DGKG: variants seen among roughly 807,000 people sequenced by gnomAD.
DGKG encodes the protein DAG kinase gamma.
DGKG carries 78 observed loss-of-function variants against 105.3 expected under a neutral mutation model. The observed-to-expected ratio is 0.74, with a 90% CI of 0.62 to 0.89. The LOEUF is 0.89. Among genes scored for constraint, DGKG ranks in the 40% least tolerant of loss-of-function variants. DGKG has a pLI of 0.00. For synonymous variants in DGKG, 346 were observed against 367.1 expected (o/e 0.94, Z 0.66); for missense variants, 958 against 1,020.1 (o/e 0.94, Z 0.83).
chr3:186,267,491 C>T (rs1257650024), intron 13 of DGKG, 194 bp downstream of exon 13: 6 of 550,648 alleles, frequency 1.1e-5, no homozygotes, highest in East Asian at 3.1e-5. Context: ...TCCCGCAAGA[C>T]GTGTCTGCCT....
intron 1 of DGKG, among the ~76,000 whole-genome samples, chr3:186,347,583 T>TTTTTC (rs1339582196): frequency 2.0e-5 from 3 of 152,124 alleles, no homozygotes; most frequent in Non-Finnish European, 2.9e-5. Flanking sequence ...TTACGTATTT[T>TTTTTC]TTTTCTTTTC....
intron 22 of DGKG, among the ~76,000 whole-genome samples, chr3:186,179,725 G>A (rs80058383): frequency 0.049 from 7,499 of 152,260 alleles, 491 homozygotes; most frequent in African/African-American, 0.15. Flanking sequence ...GATGCCATGA[G>A]AGGTCTGCGG....
At chr3:186,242,474 G>T in intron 20 of DGKG, 30 bp downstream of exon 20, 2 of 1,590,950 alleles carry the variant, frequency 1.3e-6, no homozygotes, top group Non-Finnish European at 1.7e-6. Context: ...ACACTGGGTG[G>T]GTGGCAGCGC....
intron 22 of DGKG, among the ~76,000 whole-genome samples, chr3:186,168,570 G>GGCATAATACCAAGT (rs1716666247): frequency 1.3e-5 from 2 of 152,056 alleles, no homozygotes; most frequent in African/African-American, 4.8e-5. Context: ...GTGCTGGCCA[G>GGCATAATACCAAGT]GCATGGTGGC....
intron 19 of DGKG, among the ~76,000 whole-genome samples, chr3:186,246,574 T>G (rs921769906): frequency 6.6e-6 from 1 of 152,166 alleles, no homozygotes; most frequent in Non-Finnish European, 1.5e-5. Context: ...ATTGGGGTTG[T>G]TCTGAAAATT....
chr3:186,299,843 T>TCTTTCTCTTTCTTTCTTTC (rs1424972244), intron 3 of DGKG, among the ~76,000 whole-genome samples: 1 of 130,170 alleles, frequency 7.7e-6, no homozygotes, highest in Middle Eastern at 3.8e-3. Flanking sequence ...CTTTCTTTTT[T>TCTTTCTCTTTCTTTCTTTC]TTTTTTTTTG....
chr3:186,298,917 A>C (rs973295176), intron 3 of DGKG, among the ~76,000 whole-genome samples: 1 of 152,166 alleles, frequency 6.6e-6, no homozygotes, highest in African/African-American at 2.4e-5. Context: ...GTCCTTGTGA[A>C]GGTTTTAGGC....
chr3:186,265,450 C>A (rs1191246325), intron 13 of DGKG, 144 bp from the exon 14 acceptor site: 3 of 708,118 alleles, frequency 4.2e-6, no homozygotes, highest in Admixed American at 2.6e-5. Context: ...CAACATAGGG[C>A]TTCTGACCTA....
At chr3:186,257,562 C>A (rs912115527) in intron 17 of DGKG, among the ~76,000 whole-genome samples, 39 of 152,210 alleles carry the variant, frequency 2.6e-4, no homozygotes, top group Non-Finnish European at 5.1e-4. Context: ...TCCCACCCCC[C>A]AAATCTGGCC....
chr3:186,163,597 A>C (rs1716401041), intron 23 of DGKG, among the ~76,000 whole-genome samples: 1 of 152,118 alleles, frequency 6.6e-6, no homozygotes, highest in African/African-American at 2.4e-5. Context: ...TAACAAAAAC[A>C]AGAGTAAAGA....
At chr3:186,153,989 T>TGG (rs939170445) in intron 24 of DGKG, among the ~76,000 whole-genome samples, 7 of 151,960 alleles carry the variant, frequency 4.6e-5, no homozygotes, top group African/African-American at 1.7e-4. Flanking sequence ...CTTAGCTACT[T>TGG]GGAAGGCTGA....
At chr3:186,310,278 A>AAAAAAAAAAAAC (rs1724468298) in intron 2 of DGKG, among the ~76,000 whole-genome samples, 1 of 148,948 alleles carries the variant, frequency 6.7e-6, no homozygotes, top group Non-Finnish European at 1.5e-5. Flanking sequence ...AAAAAAAAAA[A>AAAAAAAAAAAAC]AAAAAAAAAA....
chr3:186,158,252 A>C (rs1057492441), intron 24 of DGKG: 9 of 723,798 alleles, frequency 1.2e-5, no homozygotes, highest in Non-Finnish European at 1.5e-5. Context: ...TTTTAGTATT[A>C]TTCATTACAT....
intron 11 of DGKG, among the ~76,000 whole-genome samples, chr3:186,271,984 C>T (rs187642245): frequency 6.6e-6 from 1 of 152,294 alleles, no homozygotes; most frequent in African/African-American, 2.4e-5. Context: ...CTTACATGCC[C>T]GTCTCTCCTT....
intron 21 of DGKG, among the ~76,000 whole-genome samples, chr3:186,192,173 T>A (rs1166147882): frequency 3.3e-5 from 5 of 152,142 alleles, no homozygotes; most frequent in African/African-American, 1.2e-4. Context: ...CACGCCCAGC[T>A]AATTTTTTTT....
At chr3:186,292,684 C>T (rs1236934011) in intron 5 of DGKG, among the ~76,000 whole-genome samples, 1 of 152,050 alleles carries the variant, frequency 6.6e-6, no homozygotes, top group Non-Finnish European at 1.5e-5. Flanking sequence ...ATCCCAGCTA[C>T]CCAGGAGGCT....
In DGKG at chr3:186,256,230, G is replaced by A. The variant is rs561942903; in HGVS notation, c.1510+1624C>T. On this transcript the variant is annotated intron_variant, in intron 17 of 24. Transcript: ENST00000265022. The stretch of plus-strand genomic sequence containing the variant: ...GGGCTGTGTCCATGGCAACCAAAGC[G>A]CCCGGGGGAGTGGCGGGCGGCAGGT... 1.6e-4 allele frequency among the ~76,000 whole-genome samples: 25 copies of A among 152,256 alleles called. No homozygotes were observed. The South Asian group carries it at 3.5e-3, about 21-fold the overall frequency.
At chr3:186,229,398 C>T (rs1215983881) in intron 20 of DGKG, among the ~76,000 whole-genome samples, 1 of 152,046 alleles carries the variant, frequency 6.6e-6, no homozygotes, top group Non-Finnish European at 1.5e-5. Flanking sequence ...CCACCCGCCA[C>T]CATGCCCGGC....
intron 1 of DGKG, among the ~76,000 whole-genome samples, chr3:186,330,634 A>C (rs1725557543): frequency 6.6e-6 from 1 of 152,166 alleles, no homozygotes; most frequent in Non-Finnish European, 1.5e-5. Context: ...AGGGAGATCT[A>C]ACATTACAGA....
Sources: gnomAD v4.1 joint callset for allele counts (sites outside exome capture counted in the v4.1 genomes callset) on GRCh38, gnomAD v4.1.1 for gene constraint, MANE v1.5 for transcripts, NCBI Gene and HGNC (gene_info 2026-07-23, HGNC 2026-07-21) for gene names.